Variants in BMP6 observed in about 807,000 individuals in gnomAD.
BMP6 encodes bone morphogenetic protein 6.
In BMP6, 17 loss-of-function variants were observed where a neutral mutation model predicts 54.1. The observed-to-expected ratio is 0.31, with a 90% CI of 0.22 to 0.47. The LOEUF is 0.47. BMP6 is among the 20% of genes least tolerant of loss of function. The probability of loss-of-function intolerance (pLI) is 1.00; values close to 1 mark genes in which losing one functional copy is unlikely to be tolerated. For synonymous variants in BMP6, 328 were observed against 291.2 expected (o/e 1.13, Z -1.28); for missense variants, 720 against 690.4 (o/e 1.04, Z -0.48).
intron 1 of BMP6, among the ~76,000 whole-genome samples, chr6:7,759,336 CAT>C (rs1757572923): frequency 6.6e-6 from 1 of 152,154 alleles, no homozygotes; most frequent in Non-Finnish European, 1.5e-5. Flanking sequence ...CGTCTGTGCA[CAT>C]GAGTAGATAA....
chr6:7,802,464 TC>T (rs542578756), intron 1 of BMP6, among the ~76,000 whole-genome samples: 194 of 152,330 alleles, frequency 1.3e-3, no homozygotes, highest in Non-Finnish European at 2.2e-3. Flanking sequence ...TTGAACTGTT[TC>T]CCAGACGTTG....
At chr6:7,743,185 T>C (rs1202014622) in intron 1 of BMP6, among the ~76,000 whole-genome samples, 1 of 152,260 alleles carries the variant, frequency 6.6e-6, no homozygotes, top group Admixed American at 6.5e-5. Flanking sequence ...TATGTAGATA[T>C]AGAGGAAGGT....
chr6:7,730,527 G>C (rs1178188099), intron 1 of BMP6, among the ~76,000 whole-genome samples: 1 of 152,230 alleles, frequency 6.6e-6, no homozygotes, highest in African/African-American at 2.4e-5. Context: ...AACCTTTTGC[G>C]GGTAAGTAGA....
At chr6:7,781,505 C>G (rs942218848) in intron 1 of BMP6, among the ~76,000 whole-genome samples, 1 of 151,450 alleles carries the variant, frequency 6.6e-6, no homozygotes, top group East Asian at 1.9e-4. Context: ...GTATGATGGC[C>G]TTTAGCATTT....
At chr6:7,839,287 C>A (rs1279697553) in intron 1 of BMP6, among the ~76,000 whole-genome samples, 1 of 152,232 alleles carries the variant, frequency 6.6e-6, no homozygotes, top group East Asian at 1.9e-4. Context: ...GCCTTGGCCT[C>A]CCAAGGGGCC....
intron 1 of BMP6, among the ~76,000 whole-genome samples, chr6:7,822,184 C>A (rs1180135585): frequency 6.6e-6 from 1 of 152,142 alleles, no homozygotes; most frequent in East Asian, 1.9e-4. Flanking sequence ...GCATGCCCAG[C>A]TAATTTTGTA....
chr6:7,789,160 G>A (rs1180099999), intron 1 of BMP6, among the ~76,000 whole-genome samples: 2 of 152,068 alleles, frequency 1.3e-5, no homozygotes, highest in Non-Finnish European at 2.9e-5. Flanking sequence ...CGTTCATCTC[G>A]CACAGCAGGG....
At chr6:7,754,058 A>T (rs1387979364) in intron 1 of BMP6, among the ~76,000 whole-genome samples, 1 of 152,008 alleles carries the variant, frequency 6.6e-6, no homozygotes, top group Non-Finnish European at 1.5e-5. Flanking sequence ...TATTGGGTAG[A>T]GTGTTCAATA....
chr6:7,861,509 C>A lies in BMP6; in HGVS notation c.916C>A (p.Leu306Met). The A allele has an allele frequency of 6.2e-7, 1 of 1,614,152 alleles. No individual in the cohort carries two copies. Among genetic ancestry groups the A allele is most frequent in the Non-Finnish European group, 8.5e-7 (1 of 1,180,030 alleles). ...AGTATGGGCCTCAGAAGAAGGCTGG[C>A]TGGAATTTGACATCACGGCCACTAG... Reference protein sequence around the residue: ...RVVWASEEGWLEFDITATSNL... With the variant: ...RVVWASEEGWMEFDITATSNL... Residue 306 changes from leucine (L) to methionine (M), a missense_variant, in exon 3 of 7, where the codon CTG becomes ATG. Physicochemically the swap from Leu to Met is conservative, Grantham distance 15. Transcript: ENST00000283147.
intron 1 of BMP6, among the ~76,000 whole-genome samples, chr6:7,795,885 A>G (rs1348342387): frequency 6.6e-6 from 1 of 152,144 alleles, no homozygotes; most frequent in Non-Finnish European, 1.5e-5. Context: ...GCGCCTCTAA[A>G]TGAGAGAGTG....
chr6:7,813,108 A>AAAAATATATATAT (rs1554122651), intron 1 of BMP6, among the ~76,000 whole-genome samples: 4 of 21,490 alleles, frequency 1.9e-4, no homozygotes, highest in Non-Finnish European at 3.0e-4. Flanking sequence ...AAAAAAAAAA[A>AAAAATATATATAT]ATATATATAT....
intron 1 of BMP6, among the ~76,000 whole-genome samples, chr6:7,844,187 C>T (rs1759021203): frequency 6.6e-6 from 1 of 152,174 alleles, no homozygotes. Flanking sequence ...TAACATCCTC[C>T]AGGTTCATCC....
chr6:7,841,559 GA>G (rs1382746129), intron 1 of BMP6, among the ~76,000 whole-genome samples: 2 of 152,206 alleles, frequency 1.3e-5, no homozygotes, highest in Non-Finnish European at 2.9e-5. Context: ...GCAGGCAAAA[GA>G]GTGGGGGGAA....
At chr6:7,777,088 C>G (rs1350828091) in intron 1 of BMP6, among the ~76,000 whole-genome samples, 1 of 152,210 alleles carries the variant, frequency 6.6e-6, no homozygotes, top group African/African-American at 2.4e-5. Flanking sequence ...AATCACAGCC[C>G]TTAGGGCTCC....
chr6:7,870,909 G>A (rs1248947578), intron 4 of BMP6, among the ~76,000 whole-genome samples: 6 of 152,174 alleles, frequency 3.9e-5, no homozygotes, highest in Non-Finnish European at 5.9e-5. Context: ...GATTACAGGC[G>A]TGAGCCACCG....
chr6:7,877,572 G>A (rs1251951064), intron 4 of BMP6, among the ~76,000 whole-genome samples: 3 of 151,980 alleles, frequency 2.0e-5, no homozygotes, highest in Non-Finnish European at 4.4e-5. Context: ...GCAGTGAGCC[G>A]AGCTCGTGCC....
At chr6:7,828,943 G>A (rs774446099) in intron 1 of BMP6, among the ~76,000 whole-genome samples, 7 of 152,320 alleles carry the variant, frequency 4.6e-5, no homozygotes, top group Non-Finnish European at 1.0e-4. Context: ...GACTCTCCCC[G>A]TGTCCCAGGG....
chr6:7,733,512 C>T (rs533237585), intron 1 of BMP6, among the ~76,000 whole-genome samples: 2 of 152,178 alleles, frequency 1.3e-5, no homozygotes, highest in African/African-American at 2.4e-5. Context: ...CCTGTCCCCC[C>T]CTCCCTAGGC....
At chr6:7,781,932 A>G (rs1757954781) in intron 1 of BMP6, among the ~76,000 whole-genome samples, 1 of 151,372 alleles carries the variant, frequency 6.6e-6, no homozygotes, top group Admixed American at 6.6e-5. Flanking sequence ...TAGTCATGAA[A>G]CGGTTTTAAG....
Sources: gnomAD v4.1 joint callset for allele counts (sites outside exome capture counted in the v4.1 genomes callset) on GRCh38, gnomAD v4.1.1 for gene constraint, MANE v1.5 for transcripts, NCBI Gene and HGNC (gene_info 2026-07-23, HGNC 2026-07-21) for gene names.